Variants in TBC1D19 observed in about 807,000 individuals in gnomAD.
TBC1D19 encodes TBC1 domain family member 19, also known as TBC1 domain family, member 19.
In TBC1D19, 60 loss-of-function variants were observed where a neutral mutation model predicts 89.0. The ratio of observed to expected loss-of-function variants is 0.67; its 90% CI spans 0.55 to 0.84. The LOEUF is 0.84. Among genes scored for constraint, TBC1D19 ranks in the 40% least tolerant of loss-of-function variants. The pLI, the probability that TBC1D19 is intolerant of heterozygous loss-of-function variation, is 0.00. For synonymous variants in TBC1D19, 189 were observed against 199.7 expected (o/e 0.95, Z 0.45); for missense variants, 500 against 610.8 (o/e 0.82, Z 1.91).
At position 26,716,308 on chromosome 4, in the gene TBC1D19, A is replaced by G. The variant is rs534655034; in HGVS notation, c.955-1625A>G. ...AGTCATCCAGAATGGAACAGGGGGG[A>G]TAAAAGTAAGTAAAAGGCATGGCAG... On this transcript the variant is annotated intron_variant, in intron 13 of 20. Transcript: ENST00000264866. Among the ~76,000 whole-genome samples, 14 of 152,198 alleles carry G rather than the reference A, an allele frequency of 9.2e-5. No individual in the cohort carries two copies. In the South Asian group the frequency reaches 1.2e-3, roughly 14 times the overall value.
chr4:26,694,923 T>TA (rs1714630278), intron 13 of TBC1D19, among the ~76,000 whole-genome samples: 1 of 152,062 alleles, frequency 6.6e-6, no homozygotes, highest in Non-Finnish European at 1.5e-5. Context: ...CAAAGGTAGA[T>TA]AAAACCACAA....
At chr4:26,824,599 A>G in the TBC1D19 span, among the ~76,000 whole-genome samples, 1 of 152,228 alleles carries the variant, frequency 6.6e-6, no homozygotes, top group Non-Finnish European at 1.5e-5. Flanking sequence ...GAACTTCTAC[A>G]ACATAGTTTC....
chr4:26,629,352 G>A (rs1742644553), intron 4 of TBC1D19, among the ~76,000 whole-genome samples: 1 of 151,902 alleles, frequency 6.6e-6, no homozygotes, highest in South Asian at 2.1e-4. Context: ...CACAGGAGAG[G>A]CCCCCTATAC....
chr4:26,839,373 TATA>T, the TBC1D19 span, among the ~76,000 whole-genome samples: 1 of 152,320 alleles, frequency 6.6e-6, no homozygotes, highest in African/African-American at 2.4e-5. Flanking sequence ...GTATGATACT[TATA>T]ATAGGACATA....
chr4:26,711,879 T>C (rs1385911341), intron 13 of TBC1D19, among the ~76,000 whole-genome samples: 3 of 152,198 alleles, frequency 2.0e-5, no homozygotes, highest in Admixed American at 1.3e-4. Flanking sequence ...GGCAGCTCTT[T>C]GCTTGTATCA....
chr4:26,603,567 G>A lies in TBC1D19; in HGVS notation c.100-9602G>A, dbSNP rs1403145322. Among the ~76,000 whole-genome samples, 10 of 152,140 alleles carry A rather than the reference G, an allele frequency of 6.6e-5. No homozygotes were observed. The East Asian group carries it at 1.5e-3, about 24-fold the overall frequency. On this transcript the variant is annotated intron_variant, in intron 1 of 20. Coordinates refer to ENST00000264866, the MANE Select transcript of TBC1D19 (RefSeq NM_018317.4). ...CCAGTTACATATATGTATGAGGGTGGATTTTTTTCATGGACAACAACCAAA... is the reference window on the plus strand; with the variant it reads ...CCAGTTACATATATGTATGAGGGTGAATTTTTTTCATGGACAACAACCAAA...
At chr4:26,693,065 G>T (rs1714441246) in intron 13 of TBC1D19, among the ~76,000 whole-genome samples, 1 of 150,804 alleles carries the variant, frequency 6.6e-6, no homozygotes, top group African/African-American at 2.4e-5. Context: ...GGTAGAGGTT[G>T]CAGTGAGCCA....
At chr4:26,801,013 T>G in the TBC1D19 span, among the ~76,000 whole-genome samples, 22 of 152,322 alleles carry the variant, frequency 1.4e-4, no homozygotes, top group Non-Finnish European at 2.6e-4. Context: ...TTAGTTTAAT[T>G]AGATCCCATT....
intron 8 of TBC1D19, among the ~76,000 whole-genome samples, chr4:26,665,198 G>A (rs1380132592): frequency 6.6e-6 from 1 of 152,038 alleles, no homozygotes. Flanking sequence ...TTAAAGGGTA[G>A]ATAAAGATTA....
chr4:26,802,159 G>A, the TBC1D19 span, among the ~76,000 whole-genome samples: 133 of 152,078 alleles, frequency 8.7e-4, no homozygotes, highest in African/African-American at 2.9e-3. Flanking sequence ...CTTGTAAACA[G>A]GCAAAAAACA....
chr4:26,599,542 C>G (rs762395796), intron 1 of TBC1D19, among the ~76,000 whole-genome samples: 80 of 152,156 alleles, frequency 5.3e-4, no homozygotes, highest in Admixed American at 2.9e-3. Context: ...TTAATATATC[C>G]CTTTATGTGT....
At chr4:26,654,299 C>T (rs977232596) in intron 7 of TBC1D19, among the ~76,000 whole-genome samples, 1 of 152,058 alleles carries the variant, frequency 6.6e-6, no homozygotes, top group Non-Finnish European at 1.5e-5. Flanking sequence ...CTCTGGCTGC[C>T]CTTAACATAT....
At chr4:26,721,527 C>T (rs1433154707) in intron 15 of TBC1D19, among the ~76,000 whole-genome samples, 2 of 152,116 alleles carry the variant, frequency 1.3e-5, no homozygotes, top group Non-Finnish European at 2.9e-5. Flanking sequence ...CAACAACCAT[C>T]TAACTGGTCC....
chr4:26,700,922 T>G (rs891799261), intron 13 of TBC1D19, among the ~76,000 whole-genome samples: 13 of 152,168 alleles, frequency 8.5e-5, no homozygotes, highest in African/African-American at 3.1e-4. Context: ...TTCATGTCAC[T>G]TGTTTGATTA....
chr4:26,801,195 G>A, the TBC1D19 span, among the ~76,000 whole-genome samples: 4 of 152,182 alleles, frequency 2.6e-5, no homozygotes, highest in South Asian at 8.3e-4. Context: ...TAAGGTGTAA[G>A]GAAGGGATCC....
intron 7 of TBC1D19, among the ~76,000 whole-genome samples, chr4:26,642,981 G>GACTTTAACACCCCACTGTCAAT (rs1178062493): frequency 6.6e-6 from 1 of 152,180 alleles, no homozygotes; most frequent in African/African-American, 2.4e-5. Flanking sequence ...AATAATGGGA[G>GACTTTAACACCCCACTGTCAAT]ACTTTAACAC....
intron 8 of TBC1D19, among the ~76,000 whole-genome samples, chr4:26,664,534 G>A (rs1254626157): frequency 6.6e-6 from 1 of 151,680 alleles, no homozygotes; most frequent in Non-Finnish European, 1.5e-5. Context: ...ACAGAAGAGT[G>A]CCTTAAAATA....
chr4:26,816,981 G>T, the TBC1D19 span, among the ~76,000 whole-genome samples: 2 of 152,168 alleles, frequency 1.3e-5, no homozygotes, highest in South Asian at 4.2e-4. Context: ...TGAATTTTGG[G>T]CTTCTAGATT....
intron 6 of TBC1D19, among the ~76,000 whole-genome samples, chr4:26,639,712 G>A (rs1743367979): frequency 6.6e-6 from 1 of 152,004 alleles, no homozygotes; most frequent in Non-Finnish European, 1.5e-5. Flanking sequence ...TACATGTAGG[G>A]GACTAGGTAA....
Sources: gnomAD v4.1 joint callset for allele counts (sites outside exome capture counted in the v4.1 genomes callset) on GRCh38, gnomAD v4.1.1 for gene constraint, MANE v1.5 for transcripts, NCBI Gene and HGNC (gene_info 2026-07-23, HGNC 2026-07-21) for gene names.